The following COBL variants were observed in gnomAD, a reference collection of about 807,000 sequenced individuals.
COBL encodes protein cordon-bleu.
In COBL, 51 loss-of-function variants were observed where a neutral mutation model predicts 98.8. That is an observed-to-expected ratio of 0.52 (90% confidence interval 0.41 to 0.65). The LOEUF (loss-of-function observed/expected upper bound fraction) is 0.65. COBL is among the 30% of genes least tolerant of loss of function. The pLI is 0.00. For missense variants in COBL, 1,617 were observed against 1,617.5 expected, an observed-to-expected ratio of 1.00 and a Z score of 0.01; for synonymous variants, 634 against 651.7, an observed-to-expected ratio of 0.97 and a Z score of 0.41.
chr7:51,122,809 T>A (rs1005500603), intron 6 of COBL, among the ~76,000 whole-genome samples: 1 of 151,980 alleles, frequency 6.6e-6, no homozygotes, highest in African/African-American at 2.4e-5. Context: ...CAAAACCCTG[T>A]CTCTACTACA....
At chr7:51,212,079 C>T (rs1309061399) in intron 2 of COBL, among the ~76,000 whole-genome samples, 1 of 152,154 alleles carries the variant, frequency 6.6e-6, no homozygotes, top group African/African-American at 2.4e-5. Flanking sequence ...ACGTCTTTAC[C>T]TCTGTTACCC....
chr7:51,215,353 G>C (rs941474182), intron 2 of COBL, among the ~76,000 whole-genome samples: 1 of 152,214 alleles, frequency 6.6e-6, no homozygotes, highest in African/African-American at 2.4e-5. Context: ...GCAAATCACA[G>C]TGGGCTTTTT....
chr7:51,270,002 T>C (rs1798608874), intron 1 of COBL, among the ~76,000 whole-genome samples: 1 of 152,098 alleles, frequency 6.6e-6, no homozygotes, highest in Non-Finnish European at 1.5e-5. Flanking sequence ...GTTAAGAAAA[T>C]ACAGAGGCTC....
chr7:51,120,483 G>A (rs1797649104), intron 6 of COBL, among the ~76,000 whole-genome samples: 1 of 151,980 alleles, frequency 6.6e-6, no homozygotes, highest in African/African-American at 2.4e-5. Flanking sequence ...CATTAATTAT[G>A]GTAAATACAC....
chr7:51,214,910 C>T (rs2129081994), intron 2 of COBL, among the ~76,000 whole-genome samples: 1 of 152,274 alleles, frequency 6.6e-6, no homozygotes, highest in South Asian at 2.1e-4. Flanking sequence ...CAGGCCATAC[C>T]AGTGTCCAGG....
At chr7:51,174,976 T>C (rs1229368319) in intron 5 of COBL, among the ~76,000 whole-genome samples, 1 of 152,198 alleles carries the variant, frequency 6.6e-6, no homozygotes, top group Non-Finnish European at 1.5e-5. Context: ...ACCCAGCTCT[T>C]GGTACCAGCA....
At chr7:51,117,750 C>T (rs1038741895) in intron 6 of COBL, among the ~76,000 whole-genome samples, 3 of 152,042 alleles carry the variant, frequency 2.0e-5, no homozygotes, top group Admixed American at 2.0e-4. Context: ...TTTCCTGGTT[C>T]TTCATATGTT....
chr7:51,091,950 T>C (rs966220957), intron 6 of COBL, among the ~76,000 whole-genome samples: 3 of 152,158 alleles, frequency 2.0e-5, no homozygotes, highest in Non-Finnish European at 2.9e-5. Flanking sequence ...CCAAGAATAG[T>C]TTATCTCAGG....
rs1790349721 is a variant in COBL, at chr7:51,052,594, A to G, written c.1097-8902T>C. Among the ~76,000 whole-genome samples the G allele has an allele frequency of 5.9e-5, 9 of 152,022 alleles. No individual in the cohort carries two copies. In the South Asian group the frequency reaches 1.9e-3, roughly 32 times the overall value. On this transcript the variant is annotated intron_variant, in intron 7 of 12. Transcript: ENST00000265136. ...CTTAGTTTTCATTGTCAAAATAGAAACTCTGTCTCCAGGTTGTCTATCTAT... is the reference window on the plus strand; with the variant it reads ...CTTAGTTTTCATTGTCAAAATAGAAGCTCTGTCTCCAGGTTGTCTATCTAT...
At chr7:51,079,479 G>C (rs139531311) in intron 7 of COBL, among the ~76,000 whole-genome samples, 170 of 152,302 alleles carry the variant, frequency 1.1e-3, no homozygotes, top group African/African-American at 3.9e-3. Flanking sequence ...CTATCTGAAG[G>C]ACGGATATAA....
chr7:51,128,339 C>T (rs73697807), intron 6 of COBL, among the ~76,000 whole-genome samples: 1 of 152,038 alleles, frequency 6.6e-6, no homozygotes, highest in Non-Finnish European at 1.5e-5. Flanking sequence ...ACATTTTATG[C>T]ACAGCAAAGT....
At chr7:51,161,669 A>G (rs1051889599) in intron 5 of COBL, among the ~76,000 whole-genome samples, 2 of 152,200 alleles carry the variant, frequency 1.3e-5, no homozygotes, top group Non-Finnish European at 2.9e-5. Flanking sequence ...CTTTTACCAG[A>G]AGAACTTTAA....
At chr7:51,034,641 T>G (rs1788455395) in intron 8 of COBL, 1 of 152,260 alleles carries the variant, frequency 6.6e-6, no homozygotes, top group African/African-American at 2.4e-5. Context: ...ATTTATGCCC[T>G]TAGTCACTGG....
At chr7:51,314,889 G>A (rs923559145) in intron 1 of COBL, among the ~76,000 whole-genome samples, 10 of 152,128 alleles carry the variant, frequency 6.6e-5, no homozygotes, top group African/African-American at 2.4e-4. Context: ...GCCAGCCCTC[G>A]ACTACCTCTT....
intron 1 of COBL, among the ~76,000 whole-genome samples, chr7:51,281,929 A>T (rs1476971392): frequency 1.3e-5 from 2 of 152,188 alleles, no homozygotes; most frequent in African/African-American, 4.8e-5. Flanking sequence ...ACCATGAAGG[A>T]TACCTATGTA....
At chr7:51,191,542 G>A (rs1214870408) in intron 3 of COBL, among the ~76,000 whole-genome samples, 1 of 148,442 alleles carries the variant, frequency 6.7e-6, no homozygotes, top group African/African-American at 2.5e-5. Context: ...TATGTACATA[G>A]ATATATATAT....
chr7:51,140,857 C>T (rs1380487375), intron 5 of COBL, among the ~76,000 whole-genome samples: 13 of 152,142 alleles, frequency 8.5e-5, no homozygotes, highest in African/African-American at 2.4e-5. Context: ...GAGATCAGTA[C>T]CAGACAAGAA....
intron 1 of COBL, among the ~76,000 whole-genome samples, chr7:51,221,385 T>C (rs1793625422): frequency 6.6e-6 from 1 of 152,208 alleles, no homozygotes; most frequent in Admixed American, 6.5e-5. Flanking sequence ...CATCACGACA[T>C]AAATTCTAAT....
chr7:51,177,295 T>C (rs1788466246), intron 5 of COBL, among the ~76,000 whole-genome samples: 1 of 152,194 alleles, frequency 6.6e-6, no homozygotes, highest in South Asian at 2.1e-4. Flanking sequence ...CATAACTCTG[T>C]CCTTTTTTCT....
Sources: gnomAD v4.1 joint callset for allele counts (sites outside exome capture counted in the v4.1 genomes callset) on GRCh38, gnomAD v4.1.1 for gene constraint, MANE v1.5 for transcripts, NCBI Gene and HGNC (gene_info 2026-07-23, HGNC 2026-07-21) for gene names.